Variants in SUMF1 observed in about 807,000 individuals in gnomAD.
SUMF1 encodes the protein sulfatase modifying factor 1.
SUMF1 carries 48 observed loss-of-function variants against 47.6 expected under a neutral mutation model. The ratio of observed to expected loss-of-function variants is 1.01; its 90% CI spans 0.80 to 1.28. SUMF1 has a LOEUF of 1.28. Among genes scored for constraint, SUMF1 ranks in the 50% most tolerant of loss-of-function variants. The probability of loss-of-function intolerance (pLI) is 0.00; values close to 1 mark genes in which losing one functional copy is unlikely to be tolerated. For missense variants in SUMF1, 571 were observed against 485.4 expected (o/e 1.18, Z -1.66); for synonymous variants, 230 against 192.1 (o/e 1.20, Z -1.63).
chr3:4,418,277 C>G (rs921377972), intron 4 of SUMF1, 145 bp from the exon 5 acceptor site: 3 of 1,230,906 alleles, frequency 2.4e-6, no homozygotes, highest in Non-Finnish European at 3.4e-6. Context: ...CCCAGCCATG[C>G]TACATCTGTC....
intron 8 of SUMF1, among the ~76,000 whole-genome samples, chr3:4,257,287 AG>A (rs1333093183): frequency 1.6e-4 from 23 of 139,982 alleles, no homozygotes; most frequent in Admixed American, 8.0e-4. Context: ...AAGGAAATAA[AG>A]GGTATTCAAT....
At chr3:4,383,126 C>A (rs4685746) in intron 7 of SUMF1, among the ~76,000 whole-genome samples, 4 of 151,824 alleles carry the variant, frequency 2.6e-5, no homozygotes, top group African/African-American at 9.7e-5. Context: ...TGCCTATAAT[C>A]CCAGCACTTT....
chr3:4,367,743 C>T (rs1423215583), intron 8 of SUMF1, among the ~76,000 whole-genome samples: 2 of 152,106 alleles, frequency 1.3e-5, no homozygotes. Context: ...GGAAAGGATT[C>T]CCTATTTAAT....
chr3:4,368,733 AC>A (rs1361406519), intron 8 of SUMF1, among the ~76,000 whole-genome samples: 3 of 152,200 alleles, frequency 2.0e-5, no homozygotes, highest in African/African-American at 7.2e-5. Flanking sequence ...AGAGAGCCTA[AC>A]GCACATATCC....
intron 9 of SUMF1, among the ~76,000 whole-genome samples, chr3:4,050,748 C>CAAAAAAAAAAAAAAAAA: frequency 1.1e-5 from 1 of 86,964 alleles, no homozygotes; most frequent in Non-Finnish European, 2.3e-5. Context: ...GACCCTGTCT[C>CAAAAAAAAAAAAAAAAA]AAAAAAAAAA....
intron 8 of SUMF1, among the ~76,000 whole-genome samples, chr3:4,101,230 T>G (rs1223378631): frequency 6.6e-6 from 1 of 152,234 alleles, no homozygotes; most frequent in African/African-American, 2.4e-5. Context: ...AGTCAAGATA[T>G]GAAAACAACC....
intron 7 of SUMF1, among the ~76,000 whole-genome samples, chr3:4,409,091 T>C (rs908166198): frequency 1.3e-5 from 2 of 152,224 alleles, no homozygotes; most frequent in Admixed American, 6.5e-5. Flanking sequence ...ACTTGCTCTC[T>C]ATATAGATCA....
chr3:4,425,847 A>C (rs1435644362), intron 3 of SUMF1, among the ~76,000 whole-genome samples: 1 of 152,194 alleles, frequency 6.6e-6, no homozygotes, highest in Non-Finnish European at 1.5e-5. Context: ...GGCGTGGTGG[A>C]AGGTAAAGGG....
intron 8 of SUMF1, among the ~76,000 whole-genome samples, chr3:4,166,984 G>A (rs2125119711): frequency 6.6e-6 from 1 of 152,182 alleles, no homozygotes; most frequent in Middle Eastern, 3.4e-3. Context: ...CTGATGTTTA[G>A]CCTCCGAATT....
At chr3:4,255,849 G>A (rs1348080837) in intron 8 of SUMF1, among the ~76,000 whole-genome samples, 1 of 93,380 alleles carries the variant, frequency 1.1e-5, no homozygotes, top group Non-Finnish European at 2.1e-5. Flanking sequence ...TTCCAAAATT[G>A]ACCACATAGT....
At chr3:4,355,199 A>T (rs567597443) in intron 8 of SUMF1, among the ~76,000 whole-genome samples, 1 of 152,024 alleles carries the variant, frequency 6.6e-6, no homozygotes. Context: ...AATAAAAAAT[A>T]AAAAAAACTA....
chr3:4,118,891 T>C (rs1693478006), intron 8 of SUMF1, among the ~76,000 whole-genome samples: 1 of 152,286 alleles, frequency 6.6e-6, no homozygotes, highest in Non-Finnish European at 1.5e-5. Context: ...ACTTGCTGGA[T>C]AGCCTTACTC....
At chr3:4,353,852 ATTTG>A (rs200149874) in intron 8 of SUMF1, among the ~76,000 whole-genome samples, 3,010 of 145,802 alleles carry the variant, frequency 0.021, 104 homozygotes, top group African/African-American at 0.08. Context: ...ATTGATTTTC[ATTTG>A]TTTATTTTCA....
intron 8 of SUMF1, among the ~76,000 whole-genome samples, chr3:4,281,653 T>C (rs889372038): frequency 1.1e-4 from 16 of 152,012 alleles, no homozygotes; most frequent in African/African-American, 3.1e-4. Context: ...ATTAGAAAGG[T>C]TTAGAATAAT....
intron 9 of SUMF1, among the ~76,000 whole-genome samples, chr3:4,042,236 T>C (rs1164412242): frequency 6.6e-6 from 1 of 152,128 alleles, no homozygotes; most frequent in African/African-American, 2.4e-5. Flanking sequence ...TCAACATAAA[T>C]ACAAATTAAT....
At chr3:4,205,235 GA>G (rs758768674) in intron 8 of SUMF1, among the ~76,000 whole-genome samples, 6 of 152,092 alleles carry the variant, frequency 3.9e-5, no homozygotes, top group Non-Finnish European at 5.9e-5. Flanking sequence ...CCACCCTTGA[GA>G]ATGTACTTTG....
At chr3:4,384,237 T>C (rs1700598537) in intron 7 of SUMF1, among the ~76,000 whole-genome samples, 1 of 152,222 alleles carries the variant, frequency 6.6e-6, no homozygotes, top group South Asian at 2.1e-4. Context: ...AATGACTTTA[T>C]TTCTCCTTCA....
chr3:4,434,898 T>A (rs1397149153), intron 3 of SUMF1, among the ~76,000 whole-genome samples: 1 of 152,130 alleles, frequency 6.6e-6, no homozygotes, highest in Non-Finnish European at 1.5e-5. Context: ...AACCCCAAGA[T>A]GACCCAGAAG....
chr3:4,131,358 T>G (rs1173531552), intron 8 of SUMF1, among the ~76,000 whole-genome samples: 1 of 152,146 alleles, frequency 6.6e-6, no homozygotes, highest in Non-Finnish European at 1.5e-5. Flanking sequence ...AATGGCCTCA[T>G]GGGGAGTTCC....
Sources: gnomAD v4.1 joint callset for allele counts (sites outside exome capture counted in the v4.1 genomes callset) on GRCh38, gnomAD v4.1.1 for gene constraint, MANE v1.5 for transcripts, NCBI Gene and HGNC (gene_info 2026-07-23, HGNC 2026-07-21) for gene names.